BCKDHB: variants seen among roughly 807,000 people sequenced by gnomAD.
The protein encoded by BCKDHB is branched chain keto acid dehydrogenase E1 subunit beta.
In BCKDHB, 41 loss-of-function variants were observed where a neutral mutation model predicts 48.5. The ratio of observed to expected loss-of-function variants is 0.85; its 90% CI spans 0.66 to 1.10. The LOEUF is 1.10. Among genes scored for constraint, BCKDHB ranks in the 50% least tolerant of loss-of-function variants. BCKDHB has a pLI of 0.00. For missense variants in BCKDHB, 496 were observed against 494.2 expected (o/e 1.00, Z -0.03); for synonymous variants, 201 against 174.8 (o/e 1.15, Z -1.18).
chr6:80,434,195 A>G, the BCKDHB span, among the ~76,000 whole-genome samples: 3 of 151,926 alleles, frequency 2.0e-5, no homozygotes, highest in South Asian at 2.1e-4. Context: ...ATTTTATTAA[A>G]TTTCAAATAT....
At chr6:80,347,098 A>G (rs916282915), downstream of BCKDHB, among the ~76,000 whole-genome samples, 2 of 152,184 alleles carry the variant, frequency 1.3e-5, no homozygotes, top group Non-Finnish European at 2.9e-5. Context: ...TTTACCAGCA[A>G]TTTGAAGGAG....
At chr6:80,448,618 A>G in the BCKDHB span, among the ~76,000 whole-genome samples, 1 of 152,222 alleles carries the variant, frequency 6.6e-6, no homozygotes, top group Non-Finnish European at 1.5e-5. Flanking sequence ...TATTGTATTA[A>G]TAAATTTATA....
At chr6:80,427,088 T>C in the BCKDHB span, among the ~76,000 whole-genome samples, 5 of 152,106 alleles carry the variant, frequency 3.3e-5, no homozygotes, top group Non-Finnish European at 7.4e-5. Flanking sequence ...TTATAAAATG[T>C]CCATCTTTAT....
At chr6:80,238,996 A>G (rs1348405465) in intron 8 of BCKDHB, among the ~76,000 whole-genome samples, 1 of 152,192 alleles carries the variant, frequency 6.6e-6, no homozygotes, top group East Asian at 1.9e-4. Context: ...AGTCCATTCT[A>G]TCATTGATAG....
the BCKDHB span, among the ~76,000 whole-genome samples, chr6:80,399,949 C>T: frequency 5.9e-5 from 9 of 152,140 alleles, no homozygotes; most frequent in African/African-American, 2.2e-4. Flanking sequence ...ACTATTTGAT[C>T]CTTGGCAAGC....
chr6:80,412,041 A>G, the BCKDHB span, among the ~76,000 whole-genome samples: 1 of 152,154 alleles, frequency 6.6e-6, no homozygotes, highest in Non-Finnish European at 1.5e-5. Context: ...TTCTGCATCA[A>G]TCTCACTGGG....
intron 9 of BCKDHB, among the ~76,000 whole-genome samples, chr6:80,279,272 G>T (rs1337808835): frequency 6.6e-6 from 1 of 151,960 alleles, no homozygotes; most frequent in Non-Finnish European, 1.5e-5. Context: ...TCCTGCCTCA[G>T]CCTCCCAAGT....
intron 8 of BCKDHB, among the ~76,000 whole-genome samples, chr6:80,247,620 T>TA (rs1190360834): frequency 6.6e-6 from 1 of 152,224 alleles, no homozygotes; most frequent in Non-Finnish European, 1.5e-5. Context: ...AAAACAGGCA[T>TA]AACAATTCAC....
intron 8 of BCKDHB, among the ~76,000 whole-genome samples, chr6:80,264,014 A>T (rs944679953): frequency 1.3e-5 from 2 of 152,076 alleles, no homozygotes; most frequent in African/African-American, 4.8e-5. Flanking sequence ...TCATTTTTCA[A>T]TTTTTTTTAG....
chr6:80,203,227 G>A lies in BCKDHB; in HGVS notation c.951+15G>A, dbSNP rs746119019. 8 of 1,515,454 alleles carry A rather than the reference G, an allele frequency of 5.3e-6. No homozygotes were observed. Among genetic ancestry groups the A allele is most frequent in the Non-Finnish European group, 7.3e-6 (8 of 1,090,714 alleles). 93.9% of individuals were successfully genotyped at this position (1,515,454 alleles called of 1,614,324 possible). A position where few individuals can be genotyped will look rare whatever the true frequency, so the allele number is the denominator to read the frequency against. ...CAATTTGTAAGGTATGAATATAATG[G>A]TGATAGAATGTCATTTCCCTGAAAC... On this transcript the variant is annotated intron_variant, in intron 8 of 9. Transcript: ENST00000320393.
At chr6:80,349,192 A>G (rs1211280494), downstream of BCKDHB, among the ~76,000 whole-genome samples, 2 of 152,224 alleles carry the variant, frequency 1.3e-5, no homozygotes, top group Non-Finnish European at 2.9e-5. Flanking sequence ...GTGTAACTGC[A>G]TTATTCTGCT....
intron 6 of BCKDHB, among the ~76,000 whole-genome samples, chr6:80,184,746 G>A (rs1476389878): frequency 6.6e-6 from 1 of 152,104 alleles, no homozygotes; most frequent in Non-Finnish European, 1.5e-5. Flanking sequence ...TTTATTTAAG[G>A]AGGCTAAAGA....
At chr6:80,348,190 G>A (rs1325270103), downstream of BCKDHB, among the ~76,000 whole-genome samples, 4 of 150,974 alleles carry the variant, frequency 2.6e-5, no homozygotes, top group Non-Finnish European at 4.4e-5. Context: ...GTGTTATATA[G>A]CTAACTAAAA....
intron 8 of BCKDHB, among the ~76,000 whole-genome samples, chr6:80,235,189 G>A (rs886901463): frequency 6.6e-6 from 1 of 152,202 alleles, no homozygotes; most frequent in African/African-American, 2.4e-5. Context: ...AATGATCAGT[G>A]TTTGAGATGA....
At chr6:80,204,659 G>A (rs180928396) in intron 8 of BCKDHB, among the ~76,000 whole-genome samples, 5,381 of 151,714 alleles carry the variant, frequency 0.035, 309 homozygotes, top group African/African-American at 0.12. Context: ...CTTTATTTAC[G>A]TATCTATCTA....
chr6:80,460,209 A>G, the BCKDHB span, among the ~76,000 whole-genome samples: 71 of 152,302 alleles, frequency 4.7e-4, 1 homozygote, highest in African/African-American at 1.5e-3. Context: ...TTTCCAATTG[A>G]GATATCACAA....
intron 3 of BCKDHB, among the ~76,000 whole-genome samples, chr6:80,133,519 A>G (rs1770734587): frequency 1.3e-5 from 2 of 152,208 alleles, no homozygotes; most frequent in South Asian, 4.1e-4. Context: ...ACTGTACGTA[A>G]TGAGATGTAT....
rs1037372793 is a variant in BCKDHB at position 80,343,980 on chromosome 6, A to G, written c.*176A>G. The G allele has an allele frequency of 8.2e-6, 6 of 730,314 alleles. No individual in the cohort carries two copies. Among genetic ancestry groups the G allele is most frequent in the Admixed American group, 4.9e-5 (2 of 40,468 alleles). The allele number at this position is 730,314 out of a possible 1,614,324, so 45.2% of individuals were successfully genotyped here. A position where few individuals can be genotyped will look rare whatever the true frequency, so the allele number is the denominator to read the frequency against. ...TGCTTTAGAAAAAAAATTCAAATTTATAGTAGTATATTTACATTTTTGTTG... is the reference window on the plus strand; with the variant it reads ...TGCTTTAGAAAAAAAATTCAAATTTGTAGTAGTATATTTACATTTTTGTTG... On this transcript the variant is annotated 3_prime_UTR_variant, in exon 10 of 10. Transcript: ENST00000320393.
chr6:80,240,848 C>G (rs1242860962), intron 8 of BCKDHB, among the ~76,000 whole-genome samples: 1 of 152,164 alleles, frequency 6.6e-6, no homozygotes. Flanking sequence ...AGAGTGTTTT[C>G]CAGCTTGGTT....
Sources: allele counts gnomAD v4.1 joint callset (sites outside exome capture counted in the v4.1 genomes callset), GRCh38; gene constraint gnomAD v4.1.1; transcripts MANE v1.5; gene names NCBI Gene and HGNC (gene_info 2026-07-23, HGNC 2026-07-21).